Variants in XNDC1N observed in about 807,000 individuals in gnomAD.
XNDC1N encodes protein XNDC1N.
chr11:71,866,805 C>T, the XNDC1N span, among the ~76,000 whole-genome samples: 13 of 151,800 alleles, frequency 8.6e-5, no homozygotes, highest in African/African-American at 2.4e-4. Flanking sequence ...AACATGAAAG[C>T]TTGAGATACT....
chr11:71,899,288 C>T, the XNDC1N span, among the ~76,000 whole-genome samples: 1 of 152,108 alleles, frequency 6.6e-6, no homozygotes, highest in Non-Finnish European at 1.5e-5. Flanking sequence ...GTCTGAGCCT[C>T]CATGGTGCAC....
the XNDC1N span, chr11:71,893,631 C>A: frequency 1.8e-6 from 2 of 1,110,836 alleles, no homozygotes; most frequent in Non-Finnish European, 1.4e-6. Flanking sequence ...CTGACTCCCC[C>A]CTCCACACCC....
chr11:71,926,199 G>A, the XNDC1N span: 1 of 152,192 alleles, frequency 6.6e-6, no homozygotes. Flanking sequence ...GAGCTTGGGA[G>A]GCAGAGGTTG....
At chr11:71,914,359 G>T in the XNDC1N span, 1 of 456,204 alleles carries the variant, frequency 2.2e-6, no homozygotes, top group South Asian at 1.5e-5. Flanking sequence ...CAAGACTTCA[G>T]TGGAGGAAAT....
At chr11:71,884,285 T>G in the XNDC1N span, 8 of 1,162,366 alleles carry the variant, frequency 6.9e-6, no homozygotes, top group Non-Finnish European at 9.2e-6. Context: ...ATTCTTTTGC[T>G]GTTGTTTTTG....
the XNDC1N span, chr11:71,894,038 C>T: frequency 3.0e-6 from 2 of 661,124 alleles, no homozygotes; most frequent in Non-Finnish European, 4.9e-6. Flanking sequence ...CTTGCTTGTT[C>T]TGACAGCGTC....
chr11:71,921,236 C>G, the XNDC1N span, among the ~76,000 whole-genome samples: 1 of 152,060 alleles, frequency 6.6e-6, no homozygotes, highest in African/African-American at 2.4e-5. Flanking sequence ...CTCACTGTAG[C>G]CTTAACTTCC....
chr11:71,904,702 C>T, the XNDC1N span, among the ~76,000 whole-genome samples: 32 of 152,174 alleles, frequency 2.1e-4, no homozygotes, highest in South Asian at 6.6e-3. Flanking sequence ...AGAATAATGA[C>T]ACAGGCGGTT....
the XNDC1N span, among the ~76,000 whole-genome samples, chr11:71,911,404 C>A: frequency 4.1e-3 from 619 of 152,300 alleles, 9 homozygotes; most frequent in African/African-American, 0.014. Context: ...CAGACCTGAC[C>A]TCCGGGACCA....
chr11:71,885,529 C>T, the XNDC1N span, among the ~76,000 whole-genome samples: 10 of 152,084 alleles, frequency 6.6e-5, no homozygotes, highest in Non-Finnish European at 1.0e-4. Flanking sequence ...CATCATACTC[C>T]ACCCCTTGGA....
At chr11:71,908,017 T>C in the XNDC1N span, among the ~76,000 whole-genome samples, 1 of 152,196 alleles carries the variant, frequency 6.6e-6, no homozygotes, top group African/African-American at 2.4e-5. Flanking sequence ...TTCGGATCAA[T>C]GTCACTGGCT....
the XNDC1N span, among the ~76,000 whole-genome samples, chr11:71,892,732 G>T: frequency 6.6e-6 from 1 of 151,940 alleles, no homozygotes; most frequent in Non-Finnish European, 1.5e-5. Flanking sequence ...GGTTGGTCAG[G>T]CTGGTCTGGA....
chr11:71,922,869 G>C, the XNDC1N span, among the ~76,000 whole-genome samples: 1 of 152,144 alleles, frequency 6.6e-6, no homozygotes, highest in Non-Finnish European at 1.5e-5. Flanking sequence ...TGGTCTCAGG[G>C]CCTAGGATCT....
the XNDC1N span, among the ~76,000 whole-genome samples, chr11:71,874,259 G>A: frequency 2.0e-5 from 3 of 152,230 alleles, no homozygotes; most frequent in Non-Finnish European, 4.4e-5. Flanking sequence ...AGCAGAGGTT[G>A]CAGTGAGCAG....
chr11:71,925,183 G>A, the XNDC1N span, among the ~76,000 whole-genome samples: 165 of 151,962 alleles, frequency 1.1e-3, 3 homozygotes, highest in Admixed American at 0.011. Flanking sequence ...TTAACAGAGT[G>A]CCTCACATTA....
At chr11:71,883,255 T>C in the XNDC1N span, among the ~76,000 whole-genome samples, 5 of 152,144 alleles carry the variant, frequency 3.3e-5, no homozygotes, top group African/African-American at 1.2e-4. Flanking sequence ...TTAAAATTCA[T>C]ATAAAACCAC....
the XNDC1N span, among the ~76,000 whole-genome samples, chr11:71,900,648 A>G: frequency 6.6e-6 from 1 of 152,212 alleles, no homozygotes; most frequent in African/African-American, 2.4e-5. Context: ...AAGAACAACA[A>G]AAAGATTATG....
the XNDC1N span, among the ~76,000 whole-genome samples, chr11:71,906,491 A>T: frequency 6.6e-6 from 1 of 152,146 alleles, no homozygotes; most frequent in Non-Finnish European, 1.5e-5. Context: ...ATAATATCAG[A>T]GAATGTACAT....
At chr11:71,877,791 C>T in the XNDC1N span, among the ~76,000 whole-genome samples, 83 of 152,256 alleles carry the variant, frequency 5.5e-4, no homozygotes, top group Admixed American at 2.9e-3. Flanking sequence ...GTTGCATTGC[C>T]GTTTCTTTGT....
Sources: allele counts gnomAD v4.1 joint callset (sites outside exome capture counted in the v4.1 genomes callset), GRCh38; gene constraint gnomAD v4.1.1; transcripts MANE v1.5; gene names NCBI Gene and HGNC (gene_info 2026-07-23, HGNC 2026-07-21).